The following ME3 variants were observed in gnomAD, a reference collection of about 807,000 sequenced individuals.
ME3 encodes the protein malic enzyme 3, also known as NADP-dependent malic enzyme, mitochondrial.
ME3 carries 48 observed loss-of-function variants against 68.9 expected under a neutral mutation model. The observed-to-expected ratio is 0.70, with a 90% confidence interval of 0.55 to 0.89. The LOEUF (loss-of-function observed/expected upper bound fraction) is 0.89, where lower values mean the gene tolerates loss of function less well. Ranked by LOEUF, ME3 falls within the 40% of genes least tolerant of loss-of-function variation. ME3 has a pLI of 0.00. For missense variants in ME3, 675 were observed against 797.4 expected (o/e 0.85, Z 1.85); for synonymous variants, 320 against 318.8 (o/e 1.00, Z -0.04).
At chr11:86,610,620 G>T (rs1942494332) in intron 2 of ME3, among the ~76,000 whole-genome samples, 1 of 149,214 alleles carries the variant, frequency 6.7e-6, no homozygotes, top group Non-Finnish European at 1.5e-5. Context: ...GGCTGTGCAT[G>T]CATGAATCTA....
chr11:86,518,518 T>A (rs1318198107), intron 4 of ME3, among the ~76,000 whole-genome samples: 2 of 152,244 alleles, frequency 1.3e-5, no homozygotes, highest in Non-Finnish European at 2.9e-5. Flanking sequence ...TCATTCTTCA[T>A]CCAAAATGCA....
intron 2 of ME3, among the ~76,000 whole-genome samples, chr11:86,658,994 T>C (rs1946101539): frequency 6.6e-6 from 1 of 152,228 alleles, no homozygotes; most frequent in Non-Finnish European, 1.5e-5. Context: ...AAAAATCTAC[T>C]GCCTAGAATA....
chr11:86,612,913 A>G (rs1201713452), intron 2 of ME3, among the ~76,000 whole-genome samples: 1 of 152,104 alleles, frequency 6.6e-6, no homozygotes, highest in East Asian at 1.9e-4. Context: ...CTTTAGTTTA[A>G]TTAGATCCCA....
At chr11:86,639,160 A>G (rs1281423496) in intron 2 of ME3, among the ~76,000 whole-genome samples, 1 of 152,230 alleles carries the variant, frequency 6.6e-6, no homozygotes, top group Admixed American at 6.5e-5. Flanking sequence ...GTTCCCCACA[A>G]AAGTTTGCTG....
At chr11:86,612,037 T>C (rs923401366) in intron 2 of ME3, among the ~76,000 whole-genome samples, 12 of 152,174 alleles carry the variant, frequency 7.9e-5, no homozygotes, top group Admixed American at 6.5e-4. Context: ...CTGCACCTAT[T>C]GACCCATCCT....
downstream of ME3, among the ~76,000 whole-genome samples, chr11:86,438,131 G>A (rs1426119189): frequency 5.9e-5 from 9 of 152,022 alleles, no homozygotes; most frequent in Non-Finnish European, 1.0e-4. Flanking sequence ...GATGTCCTTC[G>A]TTAGGTTGAA....
intron 6 of ME3, among the ~76,000 whole-genome samples, chr11:86,496,370 C>T (rs1952333851): frequency 6.6e-6 from 1 of 152,030 alleles, no homozygotes; most frequent in Non-Finnish European, 1.5e-5. Flanking sequence ...CACGCCACTG[C>T]ACTCCAGCCT....
At chr11:86,484,240 A>T (rs1351263202) in intron 7 of ME3, among the ~76,000 whole-genome samples, 1 of 146,776 alleles carries the variant, frequency 6.8e-6, no homozygotes, top group African/African-American at 2.4e-5. Context: ...AGAGATGAGG[A>T]TGTTGAAAGC....
At chr11:86,561,844 T>G (rs899026119) in intron 2 of ME3, among the ~76,000 whole-genome samples, 3 of 152,196 alleles carry the variant, frequency 2.0e-5, no homozygotes, top group Admixed American at 6.5e-5. Flanking sequence ...TCACTGAGAT[T>G]GTTACATACA....
intron 4 of ME3, among the ~76,000 whole-genome samples, chr11:86,544,890 A>C (rs1183382518): frequency 1.3e-5 from 2 of 152,220 alleles, no homozygotes; most frequent in African/African-American, 2.4e-5. Flanking sequence ...CCTGATGAAC[A>C]TCAATGCAAA....
chr11:86,611,302 T>G (rs1942554538), intron 2 of ME3, among the ~76,000 whole-genome samples: 1 of 151,966 alleles, frequency 6.6e-6, no homozygotes, highest in Non-Finnish European at 1.5e-5. Flanking sequence ...ATAAAGCCTC[T>G]CCTTACAGCA....
intron 5 of ME3, among the ~76,000 whole-genome samples, chr11:86,498,965 G>A (rs888628670): frequency 6.6e-6 from 1 of 152,118 alleles, no homozygotes; most frequent in Non-Finnish European, 1.5e-5. Flanking sequence ...AGGATTAATG[G>A]GCTAAAGGAG....
chr11:86,462,853 C>A (rs1048026428), intron 8 of ME3, among the ~76,000 whole-genome samples: 7 of 152,054 alleles, frequency 4.6e-5, no homozygotes, highest in Non-Finnish European at 7.4e-5. Context: ...ATGGGCCTTC[C>A]CTGGGCAGGA....
chr11:86,598,147 G>A (rs78268410), intron 2 of ME3, among the ~76,000 whole-genome samples: 3 of 152,196 alleles, frequency 2.0e-5, no homozygotes, highest in Admixed American at 6.5e-5. Flanking sequence ...GGGCAAGGCA[G>A]TGCCTCACTC....
At chr11:86,503,803 C>T (rs1331621315) in intron 5 of ME3, among the ~76,000 whole-genome samples, 1 of 152,218 alleles carries the variant, frequency 6.6e-6, no homozygotes, top group East Asian at 1.9e-4. Context: ...TCAGAACCTC[C>T]TCCTGCGAAG....
At chr11:86,647,255 G>C (rs1239117064) in intron 2 of ME3, among the ~76,000 whole-genome samples, 1 of 152,134 alleles carries the variant, frequency 6.6e-6, no homozygotes, top group Non-Finnish European at 1.5e-5. Context: ...ACACAGACTG[G>C]CAAATTGGAT....
At chr11:86,491,098 A>G (rs1951979215) in intron 6 of ME3, among the ~76,000 whole-genome samples, 1 of 152,220 alleles carries the variant, frequency 6.6e-6, no homozygotes, top group Non-Finnish European at 1.5e-5. Flanking sequence ...TCCCATATGG[A>G]TATGACGTTA....
intron 2 of ME3, among the ~76,000 whole-genome samples, chr11:86,662,366 A>T (rs143619681): frequency 0.012 from 1,877 of 152,254 alleles, 46 homozygotes; most frequent in African/African-American, 0.042. Context: ...AGGTGGGAGG[A>T]TCACTTGAGG....
intron 4 of ME3, among the ~76,000 whole-genome samples, chr11:86,540,368 A>C (rs1565924281): frequency 6.6e-6 from 1 of 152,102 alleles, no homozygotes; most frequent in Non-Finnish European, 1.5e-5. Flanking sequence ...TCTCTCTTAC[A>C]TGTTAGCCCT....
Sources: gnomAD v4.1 joint callset for allele counts (sites outside exome capture counted in the v4.1 genomes callset) on GRCh38, gnomAD v4.1.1 for gene constraint, MANE v1.5 for transcripts, NCBI Gene and HGNC (gene_info 2026-07-23, HGNC 2026-07-21) for gene names.